The following MTA3 variants were observed in gnomAD, a reference collection of about 807,000 sequenced individuals.
The protein encoded by MTA3 is metastasis associated 1 family member 3.
Under a neutral mutation model 83.5 loss-of-function variants are expected in MTA3, and 34 were observed. The ratio of observed to expected loss-of-function variants is 0.41; its 90% CI spans 0.31 to 0.54. The LOEUF is 0.54. MTA3 is among the 20% of genes least tolerant of loss of function. MTA3 has a pLI of 0.33. For synonymous variants in MTA3, 303 were observed against 252.7 expected (o/e 1.20, Z -1.89); for missense variants, 761 against 726.4 (o/e 1.05, Z -0.55).
intron 13 of MTA3, 37 bp from the exon 14 acceptor site, chr2:42,708,837 C>CACTTCCTTGA: frequency 6.2e-6 from 10 of 1,608,684 alleles, no homozygotes; most frequent in Non-Finnish European, 7.6e-6. Context: ...TGGGCAAGTT[C>CACTTCCTTGA]ACTTCCTTGA....
intron 4 of MTA3, among the ~76,000 whole-genome samples, chr2:42,618,656 A>G (rs1685193614): frequency 6.6e-6 from 1 of 151,930 alleles, no homozygotes; most frequent in African/African-American, 2.4e-5. Flanking sequence ...TGCCCAGGCT[A>G]GAGTGCAGTG....
intron 2 of MTA3, among the ~76,000 whole-genome samples, chr2:42,510,309 C>T (rs1572898933): frequency 8.3e-6 from 1 of 120,452 alleles, no homozygotes; most frequent in South Asian, 2.8e-4. Flanking sequence ...CTGGGCGACT[C>T]AGAAAAAAAA....
In MTA3 at chr2:42,660,008, G is replaced by C; in HGVS notation, c.702+146G>C. 4 of 452,726 alleles carry C rather than the reference G, an allele frequency of 8.8e-6. No homozygotes were observed. In the Admixed American group the frequency reaches 1.7e-4, roughly 20 times the overall value. 28.0% of individuals were successfully genotyped at this position (452,726 alleles called of 1,614,324 possible). A position where few individuals can be genotyped will look rare whatever the true frequency, so the allele number is the denominator to read the frequency against. On this transcript the variant is annotated intron_variant, in intron 8 of 16. Coordinates refer to ENST00000405094, the MANE Select transcript of MTA3 (RefSeq NM_001330442.2). The stretch of plus-strand genomic sequence containing the variant: ...GTTGATTTGGCTTGGTTACTTGGTT[G>C]ACTGGGTTATGATAACACTCGTCTG...
intron 3 of MTA3, among the ~76,000 whole-genome samples, chr2:42,607,539 A>AT (rs1485552033): frequency 5.3e-5 from 8 of 151,658 alleles, no homozygotes; most frequent in Non-Finnish European, 7.4e-5. Context: ...TAATTTTTGT[A>AT]TTTTTTGTAG....
chr2:42,735,500 T>C (rs533514113), intron 16 of MTA3, among the ~76,000 whole-genome samples: 2 of 152,320 alleles, frequency 1.3e-5, no homozygotes, highest in East Asian at 3.9e-4. Context: ...TAAATATTGA[T>C]ATCTTTCTCT....
At chr2:42,675,888 C>G (rs919755144) in intron 8 of MTA3, among the ~76,000 whole-genome samples, 2 of 152,140 alleles carry the variant, frequency 1.3e-5, no homozygotes, top group Non-Finnish European at 2.9e-5. Flanking sequence ...CTGTGTGTAT[C>G]AGAAAGATGG....
intron 2 of MTA3, chr2:42,533,520 C>CTTTTTTTTTTTTTTTTTTTTTTTTTTTT (rs763768263): frequency 7.8e-6 from 1 of 128,604 alleles, no homozygotes; most frequent in African/African-American, 2.9e-5. Context: ...CTTTTCTTTT[C>CTTTTTTTTTTTTTTTTTTTTTTTTTTTT]TTTTTTTTTT....
intron 16 of MTA3, among the ~76,000 whole-genome samples, chr2:42,728,564 G>T (rs553638998): frequency 6.6e-6 from 1 of 152,214 alleles, no homozygotes; most frequent in African/African-American, 2.4e-5. Flanking sequence ...AGTGTATAGG[G>T]TTCCCACCAA....
intron 8 of MTA3, among the ~76,000 whole-genome samples, chr2:42,663,755 A>G (rs1689955400): frequency 6.6e-6 from 1 of 152,216 alleles, no homozygotes; most frequent in African/African-American, 2.4e-5. Context: ...ACTCTGTTTC[A>G]TAAATAATCA....
At chr2:42,499,409 A>G (rs866631663) in intron 2 of MTA3, among the ~76,000 whole-genome samples, 18 of 148,752 alleles carry the variant, frequency 1.2e-4, no homozygotes, top group African/African-American at 4.2e-4. Flanking sequence ...CAGGTGATCC[A>G]CCCGCCTCGG....
chr2:42,750,179 C>G (rs142468119), intron 16 of MTA3, among the ~76,000 whole-genome samples: 1 of 151,880 alleles, frequency 6.6e-6, no homozygotes, highest in South Asian at 2.1e-4. Context: ...TTAGTAGAGA[C>G]GGGGTTTCAC....
intron 2 of MTA3, among the ~76,000 whole-genome samples, chr2:42,578,159 A>G (rs546161499): frequency 6.6e-6 from 1 of 152,334 alleles, no homozygotes; most frequent in South Asian, 2.1e-4. Flanking sequence ...CTGTAAGACC[A>G]GAGAAATTTC....
At chr2:42,658,506 A>C (rs891587242) in intron 7 of MTA3, among the ~76,000 whole-genome samples, 3 of 152,222 alleles carry the variant, frequency 2.0e-5, no homozygotes, top group Admixed American at 2.0e-4. Context: ...GCTGTAGCTA[A>C]CAACATGGAT....
rs1300396558 is a variant in MTA3 at position 42,621,337 on chromosome 2, A to ACGAGCATGCTGCCTTCAAG, written c.317+11755_317+11773dup. The stretch of plus-strand genomic sequence containing the variant: ...GATTAGGGAGTGGTGATGACTCTTA[A>ACGAGCATGCTGCCTTCAAG]CGAGCATGCTGCCTTCAAGCATCTG... On this transcript the variant is annotated intron_variant, in intron 4 of 16. Transcript: ENST00000405094. Among the ~76,000 whole-genome samples, 10 of 152,130 alleles carry ACGAGCATGCTGCCTTCAAG rather than the reference A, an allele frequency of 6.6e-5. No individual in the cohort carries two copies. In the East Asian group the frequency reaches 1.7e-3, roughly 26 times the overall value.
At chr2:42,620,764 G>A (rs1558510171) in intron 4 of MTA3, among the ~76,000 whole-genome samples, 2 of 152,160 alleles carry the variant, frequency 1.3e-5, no homozygotes, top group South Asian at 4.1e-4. Context: ...GAAGTGTTGG[G>A]ATTACGGGGA....
Position 42,548,878 on chromosome 2 carries a change from T to TATATATATAATATATATATATATATA in MTA3, c.-140-21550_-140-21549insATATATATATATATATAATATATATA, listed in dbSNP as rs1676931584. 4.4e-4 allele frequency among the ~76,000 whole-genome samples: 5 copies of TATATATATAATATATATATATATATA among 11,292 alleles called. 1 individual carries two copies. Among genetic ancestry groups the TATATATATAATATATATATATATATA allele is most frequent in the African/African-American group, 1.5e-3 (2 of 1,308 alleles). 7.4% of individuals were successfully genotyped at this position (11,292 alleles called of 152,430 possible). A position where few individuals can be genotyped will look rare whatever the true frequency, so the allele number is the denominator to read the frequency against. On this transcript the variant is annotated intron_variant, in intron 2 of 17. Transcript: ENST00000405592. ...ATATATAATATATATATATATATAA[T>TATATATATAATATATATATATATATA]ATATATATATATATCAGCGGGCACG...
intron 2 of MTA3, among the ~76,000 whole-genome samples, chr2:42,577,371 C>T (rs558619005): frequency 6.6e-6 from 1 of 151,764 alleles, no homozygotes; most frequent in Non-Finnish European, 1.5e-5. Context: ...AACTATGCTC[C>T]CCGCCCCCTA....
chr2:42,652,413 G>C (rs74334960), intron 6 of MTA3, among the ~76,000 whole-genome samples: 3,059 of 152,266 alleles, frequency 0.02, 87 homozygotes, highest in African/African-American at 0.068. Context: ...TCAGGGCTGG[G>C]TAATCTTGTT....
intron 5 of MTA3, among the ~76,000 whole-genome samples, chr2:42,643,034 TC>T (rs10533235): frequency 0.16 from 19,842 of 122,874 alleles, 1,609 homozygotes; most frequent in Non-Finnish European, 0.19. Context: ...TATTGGTGTC[TC>T]CCCCCCCCCC....
Sources: allele counts gnomAD v4.1 joint callset (sites outside exome capture counted in the v4.1 genomes callset), GRCh38; gene constraint gnomAD v4.1.1; transcripts MANE v1.5; gene names NCBI Gene and HGNC (gene_info 2026-07-23, HGNC 2026-07-21).